GRM7: variants seen among roughly 807,000 people sequenced by gnomAD.
GRM7 encodes metabotropic glutamate receptor 7.
In GRM7, 35 loss-of-function variants were observed where a neutral mutation model predicts 84.5. The observed-to-expected ratio is 0.41, with a 90% CI of 0.32 to 0.55. GRM7 has a LOEUF of 0.55. GRM7 is among the 20% of genes least tolerant of loss of function. The pLI is 0.19. For synonymous variants in GRM7, 487 were observed against 455.1 expected (o/e 1.07, Z -0.89); for missense variants, 1,003 against 1,194.6 (o/e 0.84, Z 2.36).
At chr3:7,305,635 A>AT (rs375856676) in intron 3 of GRM7, among the ~76,000 whole-genome samples, 6 of 46,118 alleles carry the variant, frequency 1.3e-4, no homozygotes, top group African/African-American at 1.7e-4. Context: ...ACTGAGAATG[A>AT]TTTTTTTCTT....
rs976656941 is a variant in GRM7, at chr3:7,093,216, T to G, written c.520-53236T>G. ...GAATTAAAATATGTACTTTAAATTT[T>G]CCAGTGAGGCAACTAAGGCCCAGTT... is the stretch of plus-strand genomic sequence containing the variant. On this transcript the variant is annotated intron_variant, in intron 1 of 9. Transcript: ENST00000357716. Among the ~76,000 whole-genome samples, 25 of 151,572 alleles carry G rather than the reference T, an allele frequency of 1.6e-4. 1 individual carries two copies. The South Asian group carries it at 5.0e-3, about 30-fold the overall frequency.
chr3:7,213,417 C>T (rs1696495127), intron 2 of GRM7, among the ~76,000 whole-genome samples: 1 of 152,044 alleles, frequency 6.6e-6, no homozygotes, highest in Non-Finnish European at 1.5e-5. Context: ...TGGAGATCAC[C>T]CGCTTCAATC....
At chr3:6,995,064 T>C (rs924101759) in intron 1 of GRM7, among the ~76,000 whole-genome samples, 2 of 152,214 alleles carry the variant, frequency 1.3e-5, no homozygotes, top group African/African-American at 4.8e-5. Flanking sequence ...CCACACGCTC[T>C]TATTCATTGG....
At chr3:6,982,509 T>A (rs1267137499) in intron 1 of GRM7, among the ~76,000 whole-genome samples, 1 of 152,178 alleles carries the variant, frequency 6.6e-6, no homozygotes, top group Non-Finnish European at 1.5e-5. Flanking sequence ...TATTACTTTT[T>A]AAGTTGCCTT....
intron 1 of GRM7, among the ~76,000 whole-genome samples, chr3:7,027,202 G>A (rs6800531): frequency 0.13 from 19,642 of 152,194 alleles, 4,301 homozygotes; most frequent in African/African-American, 0.45. Flanking sequence ...CCTCTTTTGT[G>A]TTGTTAGCTG....
At chr3:7,050,148 A>G (rs1696941198) in intron 1 of GRM7, among the ~76,000 whole-genome samples, 1 of 151,924 alleles carries the variant, frequency 6.6e-6, no homozygotes, top group South Asian at 2.1e-4. Flanking sequence ...AATATGTACA[A>G]ATTACAAATT....
chr3:6,946,376 T>G (rs1182702187), intron 1 of GRM7, among the ~76,000 whole-genome samples: 1 of 152,088 alleles, frequency 6.6e-6, no homozygotes, highest in Non-Finnish European at 1.5e-5. Context: ...TTGTAGATAT[T>G]TGGCATTATT....
At chr3:6,942,824 A>G (rs1697937085) in intron 1 of GRM7, among the ~76,000 whole-genome samples, 1 of 152,132 alleles carries the variant, frequency 6.6e-6, no homozygotes, top group African/African-American at 2.4e-5. Flanking sequence ...CGGTTGTACC[A>G]GTTTACATTT....
In GRM7 at chr3:6,861,485, C is replaced by G; in HGVS notation, c.97C>G (p.Arg33Gly). ...CCTGTGCGCGCTGGCGGCGGCGGCGCGCGGCCAGGAGATGTACGCCCCGCA... is the reference window on the plus strand; with the variant it reads ...CCTGTGCGCGCTGGCGGCGGCGGCGGGCGGCCAGGAGATGTACGCCCCGCA... ...VLLCALAAAA[R>G]GQEMYAPHSI... Residue 33 changes from arginine (R) to glycine (G), a missense_variant, in exon 1 of 10, where the codon CGC becomes GGC. By Grantham distance (125) the Arg-to-Gly change is moderately radical. Transcript: ENST00000357716. The surrounding 1 kb of genome is among the most constrained non-coding windows in gnomAD (Gnocchi z 6.4). 1.9e-6 allele frequency: 3 copies of G among 1,580,190 alleles called. No homozygotes were observed. Among genetic ancestry groups the G allele is most frequent in the African/African-American group, 1.4e-5 (1 of 73,796 alleles).
intron 1 of GRM7, among the ~76,000 whole-genome samples, chr3:7,016,463 GTCA>G (rs1176259581): frequency 6.6e-6 from 1 of 152,172 alleles, no homozygotes; most frequent in Non-Finnish European, 1.5e-5. Context: ...GGGTGAGGAA[GTCA>G]TCATGATGGA....
intron 8 of GRM7, among the ~76,000 whole-genome samples, chr3:7,580,240 T>C (rs1695182219): frequency 6.6e-6 from 1 of 152,194 alleles, no homozygotes; most frequent in African/African-American, 2.4e-5. Flanking sequence ...AGTGATAAGA[T>C]ATGGTGTCTT....
intron 8 of GRM7, among the ~76,000 whole-genome samples, chr3:7,609,608 G>GAAACTTCTGTTCTATGAGATATA (rs1158643370): frequency 6.6e-6 from 1 of 151,942 alleles, no homozygotes; most frequent in Non-Finnish European, 1.5e-5. Flanking sequence ...AGCTGGTGGA[G>GAAACTTCTGTTCTATGAGATATA]AAACTTCTGT....
At chr3:6,864,675 T>A (rs1193740945) in intron 1 of GRM7, among the ~76,000 whole-genome samples, 2 of 152,158 alleles carry the variant, frequency 1.3e-5, no homozygotes, top group African/African-American at 4.8e-5. Context: ...ACCGATCACT[T>A]GAGATATACG....
At chr3:7,531,629 C>T (rs1188302616) in intron 7 of GRM7, among the ~76,000 whole-genome samples, 1 of 152,134 alleles carries the variant, frequency 6.6e-6, no homozygotes, top group East Asian at 1.9e-4. Context: ...TATAGGAATG[C>T]TTGTGATTTT....
At chr3:7,420,568 T>C (rs1696352878) in intron 5 of GRM7, among the ~76,000 whole-genome samples, 1 of 152,146 alleles carries the variant, frequency 6.6e-6, no homozygotes, top group Non-Finnish European at 1.5e-5. Context: ...GATTATGTGT[T>C]AATGTGGTTC....
chr3:7,234,194 T>A (rs1455310196), intron 2 of GRM7, among the ~76,000 whole-genome samples: 1 of 152,164 alleles, frequency 6.6e-6, no homozygotes, highest in Non-Finnish European at 1.5e-5. Flanking sequence ...GCTTAAAAAA[T>A]AAGGTGACTT....
intron 5 of GRM7, among the ~76,000 whole-genome samples, chr3:7,418,321 G>A (rs75185200): frequency 5.6e-4 from 86 of 152,256 alleles, no homozygotes; most frequent in African/African-American, 2.0e-3. Flanking sequence ...CTGCTCATGG[G>A]ATATATTGGG....
chr3:7,233,961 G>C (rs9839429), intron 2 of GRM7, among the ~76,000 whole-genome samples: 54,563 of 151,846 alleles, frequency 0.36, 9,988 homozygotes, highest in Middle Eastern at 0.48. Flanking sequence ...GCGGTTCAAG[G>C]CATTTTTAAA....
intron 7 of GRM7, among the ~76,000 whole-genome samples, chr3:7,487,533 C>T (rs543313397): frequency 1.1e-4 from 16 of 152,302 alleles, no homozygotes; most frequent in Non-Finnish European, 1.8e-4. Flanking sequence ...CTGCTCCTCA[C>T]GTCCAACTCA....
Sources: allele counts gnomAD v4.1 joint callset (sites outside exome capture counted in the v4.1 genomes callset), GRCh38; gene constraint gnomAD v4.1.1; non-coding constraint Gnocchi (gnomAD v3.1); transcripts MANE v1.5; gene names NCBI Gene and HGNC (gene_info 2026-07-23, HGNC 2026-07-21).